Variants in AGBL4 observed in about 807,000 individuals in gnomAD.
The protein encoded by AGBL4 is AGBL carboxypeptidase 4.
Under a neutral mutation model 66.4 loss-of-function variants are expected in AGBL4, and 58 were observed. The observed-to-expected ratio is 0.87, with a 90% CI of 0.71 to 1.09. AGBL4 has a LOEUF of 1.09. Among genes scored for constraint, AGBL4 ranks in the 50% least tolerant of loss-of-function variants. AGBL4 has a pLI of 0.00. For synonymous variants in AGBL4, 234 were observed against 222.9 expected, an observed-to-expected ratio of 1.05 and a Z score of -0.44; for missense variants, 579 against 631.0, an observed-to-expected ratio of 0.92 and a Z score of 0.88.
chr1:49,409,254 A>G (rs1159955038), intron 3 of AGBL4, among the ~76,000 whole-genome samples: 1 of 151,930 alleles, frequency 6.6e-6, no homozygotes, highest in East Asian at 1.9e-4. Flanking sequence ...TCTTAACACT[A>G]CCACACATCT....
intron 1 of AGBL4, among the ~76,000 whole-genome samples, chr1:50,011,437 A>G (rs927102293): frequency 2.0e-5 from 3 of 152,228 alleles, no homozygotes; most frequent in Non-Finnish European, 4.4e-5. Context: ...GCTGGTGGGA[A>G]TGTAAATTAG....
At chr1:49,913,189 CA>C (rs1476233753) in intron 1 of AGBL4, among the ~76,000 whole-genome samples, 1 of 152,178 alleles carries the variant, frequency 6.6e-6, no homozygotes, top group Non-Finnish European at 1.5e-5. Flanking sequence ...GGGTGAGACT[CA>C]AGGCATGATT....
At chr1:48,629,730 C>T (rs758488885) in intron 9 of AGBL4, among the ~76,000 whole-genome samples, 2 of 152,056 alleles carry the variant, frequency 1.3e-5, no homozygotes, top group African/African-American at 2.4e-5. Context: ...GTGGGTGATG[C>T]CATCTCAGGT....
chr1:49,843,765 C>A (rs1646063549), intron 2 of AGBL4, among the ~76,000 whole-genome samples: 1 of 152,008 alleles, frequency 6.6e-6, no homozygotes, highest in South Asian at 2.1e-4. Context: ...CCTGGCTTAC[C>A]TTTTTTTTAA....
At chr1:49,564,044 G>A (rs1000492090) in intron 3 of AGBL4, among the ~76,000 whole-genome samples, 1 of 152,126 alleles carries the variant, frequency 6.6e-6, no homozygotes, top group Non-Finnish European at 1.5e-5. Context: ...TTGGGAGGGT[G>A]TATGTGTCGA....
intron 6 of AGBL4, among the ~76,000 whole-genome samples, chr1:48,713,594 G>A (rs750385576): frequency 1.4e-4 from 22 of 152,124 alleles, no homozygotes; most frequent in Non-Finnish European, 2.9e-4. Flanking sequence ...CTCTGCGTAC[G>A]GGGCACTCAG....
chr1:49,811,088 GA>G (rs1645092339), intron 2 of AGBL4, among the ~76,000 whole-genome samples: 2 of 152,290 alleles, frequency 1.3e-5, no homozygotes, highest in African/African-American at 4.8e-5. Context: ...ATATCTATCC[GA>G]AACACTGACT....
chr1:49,541,976 C>T lies in AGBL4; in HGVS notation c.282+155337G>A, dbSNP rs1216150389. Among the ~76,000 whole-genome samples the T allele has an allele frequency of 2.6e-5, 4 of 151,776 alleles. No homozygotes were observed. The East Asian group carries it at 5.8e-4, about 22-fold the overall frequency. ...AATACACCAATCAGCACTCTGTGCC[C>T]AGCTCAAGGTTTGTAAACACACCAA... On this transcript the variant is annotated intron_variant, in intron 3 of 13. Transcript: ENST00000371839.
rs750066466 is a variant in AGBL4 at position 49,851,420 on chromosome 1, T to A, written c.133A>T (p.Ile45Phe). Residue 45 changes from isoleucine (I) to phenylalanine (F), a missense_variant, in exon 2 of 14, where the codon ATC becomes TTC. Transcript: ENST00000371839. ...YCGQPKKGHL[I>F]FDACFESGNL... Reference sequence around the variant, plus strand: ...CCACTTTCAAAGCAAGCATCAAAGATAAGATGTCCTTTCTTGGGCTGTCCA... The same window carrying A: ...CCACTTTCAAAGCAAGCATCAAAGAAAAGATGTCCTTTCTTGGGCTGTCCA... The A allele has an allele frequency of 3.2e-6, 5 of 1,549,916 alleles. No individual in the cohort carries two copies. The highest frequency in any genetic ancestry group is 4.4e-6 in the Non-Finnish European group (5 of 1,146,014).
chr1:48,951,720 A>G (rs1403665712), intron 5 of AGBL4, among the ~76,000 whole-genome samples: 6 of 152,176 alleles, frequency 3.9e-5, no homozygotes, highest in Non-Finnish European at 7.3e-5. Flanking sequence ...AACTGTGAGA[A>G]ATAAATTTAT....
chr1:48,596,188 A>G (rs1471039830), intron 9 of AGBL4, among the ~76,000 whole-genome samples: 3 of 152,208 alleles, frequency 2.0e-5, no homozygotes, highest in Non-Finnish European at 4.4e-5. Flanking sequence ...CTTGCAGCCT[A>G]GCAAAGCAAT....
intron 3 of AGBL4, among the ~76,000 whole-genome samples, chr1:49,543,793 G>GT (rs1261845804): frequency 3.9e-5 from 6 of 152,282 alleles, no homozygotes; most frequent in African/African-American, 1.2e-4. Flanking sequence ...GTAGCCCAGA[G>GT]TCCCTGGGCT....
intron 7 of AGBL4, among the ~76,000 whole-genome samples, chr1:48,662,415 A>G (rs899843729): frequency 8.6e-5 from 13 of 151,710 alleles, no homozygotes; most frequent in African/African-American, 3.2e-4. Context: ...GCAGTGTGCC[A>G]CCTCCCTTGA....
At chr1:48,859,105 G>T (rs1389597093) in intron 6 of AGBL4, among the ~76,000 whole-genome samples, 3 of 151,908 alleles carry the variant, frequency 2.0e-5, no homozygotes, top group Admixed American at 1.3e-4. Flanking sequence ...GGAGAGTCGT[G>T]GCTCCTCATC....
chr1:49,006,964 G>A (rs1274317178), intron 5 of AGBL4, among the ~76,000 whole-genome samples: 5 of 107,592 alleles, frequency 4.6e-5, no homozygotes, highest in African/African-American at 1.4e-4. Context: ...CTAAAAAGCA[G>A]AGCGCCTCTC....
chr1:49,270,181 G>T (rs1169356802), intron 3 of AGBL4, among the ~76,000 whole-genome samples: 2 of 151,996 alleles, frequency 1.3e-5, no homozygotes, highest in Non-Finnish European at 2.9e-5. Flanking sequence ...CATATTGTTT[G>T]GTCTCTCTTC....
At chr1:49,614,735 G>C (rs1342852404) in intron 3 of AGBL4, among the ~76,000 whole-genome samples, 3 of 151,998 alleles carry the variant, frequency 2.0e-5, no homozygotes, top group Non-Finnish European at 2.9e-5. Flanking sequence ...TGTCCTTTTG[G>C]AAGCATTTCC....
chr1:49,777,108 A>G (rs1296435143), intron 2 of AGBL4, among the ~76,000 whole-genome samples: 4 of 152,176 alleles, frequency 2.6e-5, no homozygotes, highest in African/African-American at 9.6e-5. Flanking sequence ...TGGAGCTTAG[A>G]GATTGTAGGG....
chr1:48,697,625 A>G (rs950514326), intron 6 of AGBL4, among the ~76,000 whole-genome samples: 2 of 152,348 alleles, frequency 1.3e-5, no homozygotes, highest in South Asian at 4.1e-4. Flanking sequence ...AGATTTCAGT[A>G]CTGACCAGAA....
Sources: allele counts gnomAD v4.1 joint callset (sites outside exome capture counted in the v4.1 genomes callset), GRCh38; gene constraint gnomAD v4.1.1; transcripts MANE v1.5; gene names NCBI Gene and HGNC (gene_info 2026-07-23, HGNC 2026-07-21).